LRMDA: variants seen among roughly 807,000 people sequenced by gnomAD.
LRMDA encodes leucine rich melanocyte differentiation associated, also known as leucine-rich melanocyte differentiation-associated protein.
A neutral mutation model predicts 29.8 loss-of-function variants in LRMDA; 18 were observed. The ratio of observed to expected loss-of-function variants is 0.60; its 90% CI spans 0.42 to 0.90. The LOEUF (loss-of-function observed/expected upper bound fraction) is 0.90, where lower values mean the gene tolerates loss of function less well. Ranked by LOEUF, LRMDA falls within the 40% of genes least tolerant of loss-of-function variation. The pLI is 0.00. For synonymous variants in LRMDA, 125 were observed against 109.4 expected (o/e 1.14, Z -0.89); for missense variants, 273 against 273.9 (o/e 1.00, Z 0.02).
chr10:76,057,386 G>T (rs1273660100), intron 4 of LRMDA, among the ~76,000 whole-genome samples: 2 of 152,190 alleles, frequency 1.3e-5, no homozygotes, highest in Non-Finnish European at 2.9e-5. Context: ...CTGTGCAACT[G>T]AAATCAACTG....
intron 2 of LRMDA, among the ~76,000 whole-genome samples, chr10:75,974,781 C>T (rs968292521): frequency 2.0e-5 from 3 of 152,166 alleles, no homozygotes; most frequent in African/African-American, 4.8e-5. Flanking sequence ...AAATTTCATA[C>T]CTACAACATG....
chr10:76,013,349 A>G (rs1337052032), intron 2 of LRMDA, among the ~76,000 whole-genome samples: 2 of 149,912 alleles, frequency 1.3e-5, no homozygotes, highest in Non-Finnish European at 3.0e-5. Flanking sequence ...AGGAAGGGTC[A>G]TTTTTCTCCC....
chr10:75,831,985 G>T (rs1490890752), intron 2 of LRMDA, among the ~76,000 whole-genome samples: 1 of 152,194 alleles, frequency 6.6e-6, no homozygotes, highest in Non-Finnish European at 1.5e-5. Flanking sequence ...TTTCTCCTAG[G>T]CCTCTGGGTC....
chr10:76,532,601 A>C (rs1843246391), intron 6 of LRMDA, among the ~76,000 whole-genome samples: 1 of 152,166 alleles, frequency 6.6e-6, no homozygotes, highest in Non-Finnish European at 1.5e-5. Context: ...TGGGTAGTGC[A>C]CAGAAAGAGA....
At chr10:75,609,410 A>G (rs1369481379) in intron 2 of LRMDA, among the ~76,000 whole-genome samples, 5 of 152,180 alleles carry the variant, frequency 3.3e-5, no homozygotes, top group South Asian at 4.1e-4. Flanking sequence ...ATAATCACCA[A>G]TGAGCTTCAT....
At chr10:76,096,467 CTGATT>C (rs2132097048) in intron 5 of LRMDA, among the ~76,000 whole-genome samples, 1 of 152,120 alleles carries the variant, frequency 6.6e-6, no homozygotes, top group African/African-American at 2.4e-5. Context: ...TTCTATCTCA[CTGATT>C]TATGTGTCTA....
At chr10:76,483,553 A>G (rs1303207415) in intron 6 of LRMDA, among the ~76,000 whole-genome samples, 2 of 151,846 alleles carry the variant, frequency 1.3e-5, no homozygotes, top group African/African-American at 4.8e-5. Context: ...TATAGGGACT[A>G]TCCTTAATTG....
rs955081936 is a variant in LRMDA, at chr10:76,212,269, A to T, written c.517-112132A>T. Among the ~76,000 whole-genome samples the T allele has an allele frequency of 4.4e-4, 59 of 135,344 alleles. 1 individual carries two copies. Among genetic ancestry groups the T allele is most frequent in the Admixed American group, 2.6e-3 (37 of 14,008 alleles). 88.8% of individuals were successfully genotyped at this position (135,344 alleles called of 152,430 possible). On this transcript the variant is annotated intron_variant, in intron 5 of 6. Transcript: ENST00000611255. Reference sequence around the variant, plus strand: ...CACACACACACACACACACACACATAAAAAAAAAAAACTATAGAGAAATAT... The same window carrying T: ...CACACACACACACACACACACACATTAAAAAAAAAAACTATAGAGAAATAT...
intron 6 of LRMDA, among the ~76,000 whole-genome samples, chr10:76,494,454 T>C (rs1224988186): frequency 1.3e-5 from 2 of 151,740 alleles, no homozygotes; most frequent in African/African-American, 4.8e-5. Context: ...TAAATTTCCA[T>C]AGCATGATGT....
At chr10:75,820,940 C>T (rs1844146570) in intron 2 of LRMDA, among the ~76,000 whole-genome samples, 1 of 152,056 alleles carries the variant, frequency 6.6e-6, no homozygotes, top group Non-Finnish European at 1.5e-5. Flanking sequence ...AAACATACAA[C>T]CTCCCAAGGT....
intron 5 of LRMDA, among the ~76,000 whole-genome samples, chr10:76,153,850 C>T (rs184897842): frequency 6.0e-4 from 92 of 152,282 alleles, no homozygotes; most frequent in Non-Finnish European, 1.1e-3. Context: ...TATTGCTAGT[C>T]CTGTTCAGCA....
At chr10:75,721,189 A>T (rs1263955655) in intron 2 of LRMDA, among the ~76,000 whole-genome samples, 1 of 152,190 alleles carries the variant, frequency 6.6e-6, no homozygotes, top group Non-Finnish European at 1.5e-5. Context: ...TTTCAAAGCC[A>T]TCCAAGCTCT....
At chr10:75,796,548 T>C (rs1397831245) in intron 2 of LRMDA, among the ~76,000 whole-genome samples, 2 of 152,214 alleles carry the variant, frequency 1.3e-5, no homozygotes, top group East Asian at 3.8e-4. Flanking sequence ...TTATCCTTTT[T>C]GTATATTTCT....
chr10:75,530,158 G>A (rs544459327), intron 2 of LRMDA, among the ~76,000 whole-genome samples: 3 of 151,726 alleles, frequency 2.0e-5, no homozygotes, highest in Admixed American at 6.6e-5. Flanking sequence ...AAAGAAGAAG[G>A]CTAAAAACAG....
intron 2 of LRMDA, among the ~76,000 whole-genome samples, chr10:75,881,641 T>C (rs1247124531): frequency 6.6e-6 from 1 of 152,188 alleles, no homozygotes; most frequent in Non-Finnish European, 1.5e-5. Flanking sequence ...CCAGTGAGAC[T>C]GATTGCAGGC....
chr10:76,170,241 G>C (rs1850810519), intron 5 of LRMDA, among the ~76,000 whole-genome samples: 1 of 152,174 alleles, frequency 6.6e-6, no homozygotes. Flanking sequence ...CTCAGAATTG[G>C]TAGAAAACCA....
intron 5 of LRMDA, chr10:76,242,061 G>GTGGC (rs1450454977): frequency 6.6e-6 from 1 of 152,084 alleles, no homozygotes; most frequent in African/African-American, 2.4e-5. Flanking sequence ...CTGTAGTGCA[G>GTGGC]TGGCTATTCA....
chr10:76,185,659 T>C (rs916475359), intron 5 of LRMDA, among the ~76,000 whole-genome samples: 2 of 152,216 alleles, frequency 1.3e-5, no homozygotes, highest in African/African-American at 4.8e-5. Flanking sequence ...TGTCCTCTTG[T>C]CCCTCTGTTA....
intron 2 of LRMDA, among the ~76,000 whole-genome samples, chr10:75,469,978 AAGAACTAGTCTT>A (rs1487433076): frequency 3.3e-5 from 5 of 152,070 alleles, no homozygotes; most frequent in Non-Finnish European, 1.5e-5. Context: ...GAAGGAGTCT[AAGAACTAGTCTT>A]TGGTGGCCCC....
Sources: gnomAD v4.1 joint callset for allele counts (sites outside exome capture counted in the v4.1 genomes callset) on GRCh38, gnomAD v4.1.1 for gene constraint, MANE v1.5 for transcripts, NCBI Gene and HGNC (gene_info 2026-07-23, HGNC 2026-07-21) for gene names.